TBCD: variants seen among roughly 807,000 people sequenced by gnomAD.
TBCD encodes the protein tubulin-specific chaperone D.
In TBCD, 105 loss-of-function variants were observed where a neutral mutation model predicts 169.3. The observed-to-expected ratio is 0.62, with a 90% CI of 0.53 to 0.73. The LOEUF (loss-of-function observed/expected upper bound fraction) is 0.73. TBCD is among the 30% of genes least tolerant of loss of function. The pLI, the probability that TBCD is intolerant of heterozygous loss-of-function variation, is 0.00. For synonymous variants in TBCD, 700 were observed against 643.9 expected, an observed-to-expected ratio of 1.09 and a Z score of -1.32; for missense variants, 1,444 against 1,600.1, an observed-to-expected ratio of 0.90 and a Z score of 1.66.
chr17:82,825,139 G>A (rs999407667), intron 13 of TBCD, among the ~76,000 whole-genome samples: 5 of 152,172 alleles, frequency 3.3e-5, no homozygotes, highest in South Asian at 2.1e-4. Flanking sequence ...GTGCTTGGGC[G>A]GGGTTCTCCA....
chr17:82,889,867 T>C lies in TBCD; in HGVS notation c.1563+170T>C, dbSNP rs2146369662. On this transcript the variant is annotated intron_variant, in intron 16 of 38. Transcript: ENST00000355528. This position sits in a 1 kb window ranked among gnomAD's most constrained non-coding sequence, Gnocchi z 5.3. Reference sequence around the variant, plus strand: ...GACGCACATGTTAAACAGCGAGTCCTGTTTCACAGGGAACCTGCATGTACA... The same window carrying C: ...GACGCACATGTTAAACAGCGAGTCCCGTTTCACAGGGAACCTGCATGTACA... Among the ~76,000 whole-genome samples, 2 of 152,380 alleles carry C rather than the reference T, an allele frequency of 1.3e-5. No homozygotes were observed. The highest frequency in any genetic ancestry group is 6.8e-3 in the Middle Eastern group (2 of 294).
At chr17:82,856,166 C>T (rs968185575) in intron 13 of TBCD, among the ~76,000 whole-genome samples, 1 of 151,238 alleles carries the variant, frequency 6.6e-6, no homozygotes, top group Non-Finnish European at 1.5e-5. Flanking sequence ...GACAAAGACA[C>T]CCAAACATGT....
At chr17:82,933,799 T>G (rs10445243) in intron 34 of TBCD, among the ~76,000 whole-genome samples, 76,052 of 151,140 alleles carry the variant, frequency 0.5, 19,210 homozygotes, top group East Asian at 0.65. Context: ...TGTTAGTAGA[T>G]ACAGGGTTTC....
At chr17:82,809,218 C>T (rs983760401) in intron 11 of TBCD, among the ~76,000 whole-genome samples, 17 of 152,176 alleles carry the variant, frequency 1.1e-4, no homozygotes, top group African/African-American at 3.9e-4. Context: ...GGCCCCTGGC[C>T]AGGACCTTCC....
Position 82,831,356 on chromosome 17 carries a change from G to A in TBCD, c.1318+16422G>A, listed in dbSNP as rs530074419. 35 of 1,614,004 alleles carry A rather than the reference G, an allele frequency of 2.2e-5. 4 individuals carry two copies. In the South Asian group the frequency reaches 3.7e-4, roughly 17 times the overall value. Reference sequence around the variant, plus strand: ...ACGTGTTTTCTGTTGGGGTCCGAAGGGTTTAACCTGGAAGGACTCGAGGCT... The same window carrying A: ...ACGTGTTTTCTGTTGGGGTCCGAAGAGTTTAACCTGGAAGGACTCGAGGCT... On this transcript the variant is annotated intron_variant, in intron 13 of 38. Transcript: ENST00000355528. The surrounding 1 kb of genome is among the most constrained non-coding windows in gnomAD (Gnocchi z 4.6).
At chr17:82,902,736 A>G (rs780211649) in intron 18 of TBCD, among the ~76,000 whole-genome samples, 1 of 152,000 alleles carries the variant, frequency 6.6e-6, no homozygotes, top group Non-Finnish European at 1.5e-5. Context: ...TCACCTTCAC[A>G]TTTTGCTTCT....
At chr17:82,847,646 T>C (rs916075194) in intron 13 of TBCD, among the ~76,000 whole-genome samples, 3 of 152,196 alleles carry the variant, frequency 2.0e-5, no homozygotes, top group Admixed American at 6.5e-5. Context: ...TTTAATTCTT[T>C]TTTCTTTTTG....
At chr17:82,916,593 G>A (rs75233935) in intron 23 of TBCD, among the ~76,000 whole-genome samples, 8 of 151,574 alleles carry the variant, frequency 5.3e-5, no homozygotes, top group South Asian at 2.1e-4. Context: ...TTATTCATTC[G>A]TTTGTGTTTT....
intron 13 of TBCD, among the ~76,000 whole-genome samples, chr17:82,855,825 C>T (rs559332660): frequency 6.6e-6 from 1 of 152,096 alleles, no homozygotes; most frequent in East Asian, 1.9e-4. Context: ...TGGCACCTGC[C>T]AGGCTGTTTT....
At chr17:82,754,484 T>C (rs997878851) in intron 1 of TBCD, among the ~76,000 whole-genome samples, 9 of 152,244 alleles carry the variant, frequency 5.9e-5, no homozygotes, top group Non-Finnish European at 1.3e-4. Flanking sequence ...AACTCGCATG[T>C]CTTGTGATCT....
At chr17:82,882,881 C>T (rs1033141468) in intron 14 of TBCD, among the ~76,000 whole-genome samples, 4 of 152,356 alleles carry the variant, frequency 2.6e-5, no homozygotes, top group Admixed American at 6.5e-5. Flanking sequence ...ACACACGCCC[C>T]GGAAGTCAGG....
Position 82,789,790 on chromosome 17 carries a change from C to T in TBCD, c.772-7967C>T, listed in dbSNP as rs1480940479. On this transcript the variant is annotated intron_variant, in intron 7 of 38. Transcript: ENST00000355528. This position sits in a 1 kb window ranked among gnomAD's most constrained non-coding sequence, Gnocchi z 4.8. The stretch of plus-strand genomic sequence containing the variant: ...GGTTCTCGAGCCCTCCTTCTGTGGA[C>T]CCGTTGGGTACACGTGTGACACTTC... Among the ~76,000 whole-genome samples the T allele has an allele frequency of 6.6e-6, 1 of 152,244 alleles. No individual in the cohort carries two copies. The highest frequency in any genetic ancestry group is 1.5e-5 in the Non-Finnish European group (1 of 68,044).
At chr17:82,815,910 G>A (rs182249680) in intron 13 of TBCD, among the ~76,000 whole-genome samples, 9 of 152,072 alleles carry the variant, frequency 5.9e-5, no homozygotes, top group East Asian at 1.9e-4. Context: ...TCTTTATTGC[G>A]ATCTAATTTA....
At chr17:82,818,952 G>C (rs528815145) in intron 13 of TBCD, among the ~76,000 whole-genome samples, 11 of 152,258 alleles carry the variant, frequency 7.2e-5, no homozygotes, top group Non-Finnish European at 1.5e-4. Context: ...CAGCTACTCG[G>C]GAGGCTGAGG....
At chr17:82,928,808 C>A (rs1332143076) in intron 30 of TBCD, among the ~76,000 whole-genome samples, 2 of 151,850 alleles carry the variant, frequency 1.3e-5, no homozygotes, top group Non-Finnish European at 2.9e-5. Flanking sequence ...TATTTGTTGT[C>A]CCTGCTTCAA....
chr17:82,769,666 T>G (rs1160535486), intron 5 of TBCD, among the ~76,000 whole-genome samples: 1 of 151,972 alleles, frequency 6.6e-6, no homozygotes, highest in Non-Finnish European at 1.5e-5. Context: ...CACGTGAGGT[T>G]AGGACTTCGA....
chr17:82,890,572 AGGCG>A lies in TBCD; in HGVS notation c.1563+881_1563+884del, dbSNP rs1567968497. Among the ~76,000 whole-genome samples the A allele has an allele frequency of 1.3e-5, 2 of 152,128 alleles. No homozygotes were observed. Among genetic ancestry groups the A allele is most frequent in the Non-Finnish European group, 1.5e-5 (1 of 68,020 alleles). ...AGCCGGATGCCAGAGTCAGCTGGAG[AGGCG>A]GGCGGACGAGGACTTGCGCCTGTTA... On this transcript the variant is annotated intron_variant, in intron 16 of 38. Transcript: ENST00000355528. The surrounding 1 kb of genome is among the most constrained non-coding windows in gnomAD (Gnocchi z 5.3).
chr17:82,891,733 G>A (rs544824904), intron 16 of TBCD, among the ~76,000 whole-genome samples: 1 of 152,288 alleles, frequency 6.6e-6, no homozygotes, highest in East Asian at 1.9e-4. Flanking sequence ...GCAGGGATGG[G>A]GGGTGGTTGG....
chr17:82,868,905 C>T (rs56398006), intron 13 of TBCD, among the ~76,000 whole-genome samples: 39,185 of 150,384 alleles, frequency 0.26, 5,929 homozygotes, highest in Admixed American at 0.34. Context: ...GTGCGTGGAG[C>T]GGGTCGTGTG....
Sources: allele counts gnomAD v4.1 joint callset (sites outside exome capture counted in the v4.1 genomes callset), GRCh38; gene constraint gnomAD v4.1.1; non-coding constraint Gnocchi (gnomAD v3.1); transcripts MANE v1.5; gene names NCBI Gene and HGNC (gene_info 2026-07-23, HGNC 2026-07-21).